The following RPN2 variants were observed in gnomAD, a reference collection of about 807,000 sequenced individuals.
The protein encoded by RPN2 is dolichyl-diphosphooligosaccharide--protein glycosyltransferase subunit 2.
Under a neutral mutation model 71.4 loss-of-function variants are expected in RPN2, and 29 were observed. That is an observed-to-expected ratio of 0.41 (90% CI 0.30 to 0.55). The LOEUF is 0.55. Ranked by LOEUF, RPN2 falls within the 20% of genes least tolerant of loss-of-function variation. The pLI, the probability that RPN2 is intolerant of heterozygous loss-of-function variation, is 0.35. For synonymous variants in RPN2, 308 were observed against 305.0 expected, an observed-to-expected ratio of 1.01 and a Z score of -0.10; for missense variants, 726 against 774.1, an observed-to-expected ratio of 0.94 and a Z score of 0.74.
At chr20:37,184,129 A>AT (rs757255073) in intron 1 of RPN2, 51 bp from the exon 2 acceptor site, 2 of 1,603,772 alleles carry the variant, frequency 1.2e-6, no homozygotes, top group Non-Finnish European at 1.7e-6. Context: ...GGGACTGTGT[A>AT]TAGCACCTTG....
intron 16 of RPN2, among the ~76,000 whole-genome samples, chr20:37,240,803 C>T (rs1211983798): frequency 6.6e-6 from 1 of 152,176 alleles, no homozygotes; most frequent in African/African-American, 2.4e-5. Flanking sequence ...TGTGACTTGG[C>T]AAGAACACGG....
chr20:37,190,193 T>C (rs1274689635), intron 2 of RPN2, among the ~76,000 whole-genome samples: 1 of 152,182 alleles, frequency 6.6e-6, no homozygotes, highest in Non-Finnish European at 1.5e-5. Flanking sequence ...TGTCGTGATT[T>C]GGAGTTCTAT....
At chr20:37,233,329 C>A (rs2068299937) in intron 14 of RPN2, among the ~76,000 whole-genome samples, 2 of 152,014 alleles carry the variant, frequency 1.3e-5, no homozygotes, top group African/African-American at 4.8e-5. Context: ...TTTTCAGTAC[C>A]ATTTGAATTT....
chr20:37,231,446 T>G (rs1392875855), intron 13 of RPN2, among the ~76,000 whole-genome samples: 1 of 152,072 alleles, frequency 6.6e-6, no homozygotes, highest in Non-Finnish European at 1.5e-5. Context: ...AAATCAAAGT[T>G]GGGCCAGGCA....
intron 6 of RPN2, among the ~76,000 whole-genome samples, chr20:37,206,086 A>G (rs2067504045): frequency 6.6e-6 from 1 of 152,346 alleles, no homozygotes; most frequent in African/African-American, 2.4e-5. Context: ...ACTGTCAGGA[A>G]CAAGAGAGCC....
chr20:37,194,102 G>C (rs1375327926), intron 2 of RPN2, among the ~76,000 whole-genome samples: 2 of 152,184 alleles, frequency 1.3e-5, no homozygotes, highest in Non-Finnish European at 2.9e-5. Context: ...ACTGGAAAAT[G>C]TCCTCTGCTT....
chr20:37,199,370 C>T, intron 4 of RPN2, 145 bp downstream of exon 4: 1 of 1,024,532 alleles, frequency 9.8e-7, no homozygotes, highest in South Asian at 1.4e-5. Flanking sequence ...CAAGGCACCG[C>T]AGACATGATT....
At chr20:37,184,081 T>G in intron 1 of RPN2, 99 bp from the exon 2 acceptor site, 4 of 1,413,692 alleles carry the variant, frequency 2.8e-6, no homozygotes, top group South Asian at 1.2e-5. Flanking sequence ...CCCTTCCCCA[T>G]GTGATTTGGT....
At chr20:37,232,562 G>C (rs939934752) in intron 14 of RPN2, among the ~76,000 whole-genome samples, 171 bp downstream of exon 14, 5 of 152,210 alleles carry the variant, frequency 3.3e-5, no homozygotes, top group African/African-American at 1.2e-4. Context: ...AGTTCCCACT[G>C]TGGAGGAGTG....
At chr20:37,198,305 T>C (rs2067298269) in intron 2 of RPN2, 92 bp from the exon 3 acceptor site, 4 of 1,603,412 alleles carry the variant, frequency 2.5e-6, no homozygotes, top group Admixed American at 3.4e-5. Flanking sequence ...AAGCCATCTA[T>C]AATGGCTGAG....
chr20:37,214,240 A>C (rs905851681), intron 9 of RPN2, among the ~76,000 whole-genome samples: 6 of 152,254 alleles, frequency 3.9e-5, no homozygotes, highest in African/African-American at 1.4e-4. Flanking sequence ...CTTGATGCCA[A>C]ATAGGTGACA....
intron 16 of RPN2, among the ~76,000 whole-genome samples, chr20:37,237,399 G>A (rs1318500927): frequency 6.6e-6 from 1 of 152,220 alleles, no homozygotes; most frequent in African/African-American, 2.4e-5. Flanking sequence ...GCAAAGGCCA[G>A]TAAGAACAGA....
At chr20:37,182,630 A>C (rs554848965) in intron 1 of RPN2, among the ~76,000 whole-genome samples, 1 of 152,178 alleles carries the variant, frequency 6.6e-6, no homozygotes. Context: ...TCCTGGGCTC[A>C]AGCATCCGCC....
intron 7 of RPN2, 109 bp downstream of exon 7, chr20:37,207,558 C>T: frequency 9.7e-7 from 1 of 1,035,854 alleles, no homozygotes. Flanking sequence ...CAAGGACATA[C>T]CCATTAAATG....
intron 6 of RPN2, among the ~76,000 whole-genome samples, chr20:37,205,620 A>G (rs1236425033): frequency 1.3e-5 from 2 of 152,154 alleles, no homozygotes; most frequent in Non-Finnish European, 2.9e-5. Context: ...TTTTGTGCCA[A>G]GTTTCTTTAA....
At chr20:37,235,286 G>A (rs1600850143) in intron 15 of RPN2, among the ~76,000 whole-genome samples, 1 of 151,874 alleles carries the variant, frequency 6.6e-6, no homozygotes, top group South Asian at 2.1e-4. Context: ...GGGTCAGACC[G>A]AGAAGAAAAC....
intron 9 of RPN2, among the ~76,000 whole-genome samples, chr20:37,214,202 G>C (rs760456209): frequency 6.6e-6 from 1 of 152,184 alleles, no homozygotes; most frequent in Non-Finnish European, 1.5e-5. Context: ...TGTTTTGTGT[G>C]ATAGGCTTTG....
chr20:37,203,909 A>ATC lies in RPN2; in HGVS notation c.505_506dup (p.His170ProfsTer9). ...GAACAGTCCAGGCTCTGCAGACAGC[A>ATC]TCCCACCTGTCCCAGCAGGCTGACC... is the stretch of plus-strand genomic sequence containing the variant. On this transcript the variant is annotated frameshift_variant, in exon 5 of 17. Coordinates refer to ENST00000237530, the MANE Select transcript of RPN2 (RefSeq NM_002951.5). LOFTEE classifies it high-confidence loss of function. 1 of 1,614,096 alleles carries ATC rather than the reference A, an allele frequency of 6.2e-7. No individual in the cohort carries two copies. Among genetic ancestry groups the ATC allele is most frequent in the Non-Finnish European group, 8.5e-7 (1 of 1,179,920 alleles).
At chr20:37,182,219 A>C (rs1415226054) in intron 1 of RPN2, among the ~76,000 whole-genome samples, 1 of 150,330 alleles carries the variant, frequency 6.7e-6, no homozygotes, top group Non-Finnish European at 1.5e-5. Context: ...TCAGCCTCCC[A>C]AGTAGTTTGG....
Sources: allele counts gnomAD v4.1 joint callset (sites outside exome capture counted in the v4.1 genomes callset), GRCh38; gene constraint gnomAD v4.1.1; transcripts MANE v1.5; gene names NCBI Gene and HGNC (gene_info 2026-07-23, HGNC 2026-07-21).